FGF13: variants seen among roughly 807,000 people sequenced by gnomAD.
FGF13 encodes fibroblast growth factor 13.
Under a neutral mutation model 19.5 loss-of-function variants are expected in FGF13, and 2 were observed. That is an observed-to-expected ratio of 0.10 (90% CI 0.04 to 0.32). The LOEUF (loss-of-function observed/expected upper bound fraction) is 0.32. Ranked by LOEUF, FGF13 falls within the 10% of genes least tolerant of loss-of-function variation. The pLI is 1.00. For missense variants in FGF13, 113 were observed against 192.7 expected, an observed-to-expected ratio of 0.59 and a Z score of 2.45; for synonymous variants, 72 against 76.9, an observed-to-expected ratio of 0.94 and a Z score of 0.33.
chrX:138,712,460 C>A (rs1191656310), upstream of FGF13, among the ~76,000 whole-genome samples: 1 of 111,230 alleles, frequency 9.0e-6, no homozygotes, highest in African/African-American at 3.3e-5. Flanking sequence ...CATCTCTAAT[C>A]TCCTAACTTA....
intron 1 of FGF13, among the ~76,000 whole-genome samples, chrX:138,912,652 G>C (rs1246567569): frequency 9.0e-6 from 1 of 111,590 alleles, no homozygotes; most frequent in Non-Finnish European, 1.9e-5. Flanking sequence ...TCAATAGCTT[G>C]GCAAAACTAC....
At chrX:138,757,350 C>A (rs2124325017) in intron 3 of FGF13, among the ~76,000 whole-genome samples, 1 of 110,376 alleles carries the variant, frequency 9.1e-6, no homozygotes, top group Admixed American at 9.6e-5. Flanking sequence ...GCATATTCTC[C>A]CAAGTGGCTT....
chrX:139,199,240 T>C (rs1386425674), intron 1 of FGF13, among the ~76,000 whole-genome samples: 1 of 112,511 alleles, frequency 8.9e-6, no homozygotes, highest in Non-Finnish European at 1.9e-5. Context: ...TCAAAGATAA[T>C]GTTTAGCTGA....
chrX:139,176,412 A>T (rs1603231385), intron 1 of FGF13, among the ~76,000 whole-genome samples: 1 of 92,753 alleles, frequency 1.1e-5, no homozygotes. Flanking sequence ...TATCTCCTTC[A>T]GTTCTGCTCT....
At chrX:139,128,689 C>A (rs2083736887) in intron 1 of FGF13, among the ~76,000 whole-genome samples, 1 of 112,047 alleles carries the variant, frequency 8.9e-6, no homozygotes, top group Non-Finnish European at 1.9e-5. Flanking sequence ...TGAAAATTGC[C>A]CACCTTATAA....
chrX:138,851,517 C>A (rs1483840877), intron 3 of FGF13, among the ~76,000 whole-genome samples: 1 of 111,607 alleles, frequency 9.0e-6, no homozygotes, highest in Non-Finnish European at 1.9e-5. Flanking sequence ...AAATTCAACT[C>A]CCCTTCATGT....
chrX:138,956,598 T>C (rs775239031), intron 1 of FGF13, among the ~76,000 whole-genome samples: 4 of 110,939 alleles, frequency 3.6e-5, no homozygotes, highest in South Asian at 3.9e-4. Context: ...TGGATCAATT[T>C]TCTCATATAA....
intron 1 of FGF13, among the ~76,000 whole-genome samples, chrX:139,160,145 A>G (rs987062568): frequency 1.8e-5 from 2 of 112,331 alleles, no homozygotes; most frequent in Admixed American, 9.5e-5. Flanking sequence ...ACAGTCTCTC[A>G]GACCACAGTG....
chrX:138,959,465 T>A (rs1323724230), intron 1 of FGF13, among the ~76,000 whole-genome samples: 1 of 112,025 alleles, frequency 8.9e-6, no homozygotes, highest in Non-Finnish European at 1.9e-5. Flanking sequence ...TTGGAATAAA[T>A]GTGATGTGGT....
At chrX:138,765,729 G>A (rs770371776) in intron 3 of FGF13, among the ~76,000 whole-genome samples, 25 of 111,339 alleles carry the variant, frequency 2.2e-4, no homozygotes, top group Non-Finnish European at 4.1e-4. Flanking sequence ...CAATCTCTCC[G>A]AGCCCTTTGA....
intron 3 of FGF13, among the ~76,000 whole-genome samples, chrX:138,642,307 A>G (rs1480584525): frequency 9.0e-6 from 1 of 111,560 alleles, no homozygotes; most frequent in African/African-American, 3.3e-5. Context: ...AAAATAAAGA[A>G]ATTCCTAATA....
At chrX:138,906,495 G>C (rs1029643528) in intron 1 of FGF13, among the ~76,000 whole-genome samples, 7 of 111,848 alleles carry the variant, frequency 6.3e-5, no homozygotes, top group African/African-American at 2.3e-4. Context: ...CTGTCTTTTT[G>C]AGCCCTACAT....
At chrX:138,832,891 T>G (rs1412431691) in intron 3 of FGF13, among the ~76,000 whole-genome samples, 1 of 112,253 alleles carries the variant, frequency 8.9e-6, no homozygotes, top group East Asian at 2.8e-4. Context: ...GCTAGTCATT[T>G]ATCCCGGCAC....
At chrX:139,181,253 C>T (rs183973107) in intron 1 of FGF13, among the ~76,000 whole-genome samples, 8 of 112,182 alleles carry the variant, frequency 7.1e-5, no homozygotes. Flanking sequence ...GAAGACCTCA[C>T]AAAAGGGGTA....
chrX:138,915,039 G>T (rs758585508), intron 1 of FGF13, among the ~76,000 whole-genome samples: 2 of 111,484 alleles, frequency 1.8e-5, no homozygotes, highest in Admixed American at 1.9e-4. Flanking sequence ...CCAGGGAGTT[G>T]ACATTCCTAG....
intron 3 of FGF13, among the ~76,000 whole-genome samples, chrX:138,850,409 A>T (rs948533887): frequency 1.8e-5 from 2 of 112,002 alleles, no homozygotes; most frequent in Non-Finnish European, 3.8e-5. Context: ...TACTAATGTT[A>T]TCAGGACATA....
upstream of FGF13, chrX:138,711,808 C>T: frequency 3.0e-6 from 1 of 336,738 alleles, no homozygotes; most frequent in Non-Finnish European, 3.8e-6. Flanking sequence ...CCCACCCCCA[C>T]CCCCACCCCC....
At chrX:139,204,390 AAG>A, upstream of FGF13, 1 of 210,753 alleles carries the variant, frequency 4.7e-6, no homozygotes, top group East Asian at 9.8e-5. Context: ...TCAAGAAGTG[AAG>A]AGACAAAGCG....
intron 1 of FGF13, among the ~76,000 whole-genome samples, chrX:139,164,725 G>A (rs7057544): frequency 0.093 from 5,629 of 60,788 alleles, 309 homozygotes; most frequent in African/African-American, 0.28. Flanking sequence ...ATAAATAAAT[G>A]AATGGAGAAT....
Sources: allele counts gnomAD v4.1 joint callset (sites outside exome capture counted in the v4.1 genomes callset), GRCh38; gene constraint gnomAD v4.1.1; transcripts MANE v1.5; gene names NCBI Gene and HGNC (gene_info 2026-07-23, HGNC 2026-07-21).